Variants in CLTA observed in about 807,000 individuals in gnomAD.
The protein encoded by CLTA is clathrin light chain A.
A neutral mutation model predicts 26.9 loss-of-function variants in CLTA; 9 were observed. The observed-to-expected ratio is 0.33, with a 90% CI of 0.20 to 0.58. CLTA has a LOEUF of 0.58. CLTA is among the 20% of genes least tolerant of loss of function. The pLI is 0.85. For synonymous variants in CLTA, 120 were observed against 115.5 expected (o/e 1.04, Z -0.25); for missense variants, 278 against 294.2 (o/e 0.94, Z 0.40).
At chr9:36,197,691 C>T in intron 2 of CLTA, 103 bp downstream of exon 2, 1 of 810,166 alleles carries the variant, frequency 1.2e-6, no homozygotes. Context: ...CTTTGACTTT[C>T]CTGAATGTAT....
At chr9:36,208,814 C>A (rs1452405680) in intron 4 of CLTA, among the ~76,000 whole-genome samples, 1 of 152,168 alleles carries the variant, frequency 6.6e-6, no homozygotes, top group Non-Finnish European at 1.5e-5. Flanking sequence ...GCCAGGCTGC[C>A]TTGGTTGTGA....
At chr9:36,211,565 G>A (rs1226362467) in intron 4 of CLTA, 38 bp from the exon 5 acceptor site, 1 of 1,571,858 alleles carries the variant, frequency 6.4e-7, no homozygotes, top group Non-Finnish European at 8.7e-7. Flanking sequence ...CTCAAAGGGG[G>A]TTCTGCATAA....
rs779238323 is a variant in CLTA at position 36,204,178 on chromosome 9, AGGTCAGTCCGT to A, written c.485+3_485+13del. 9.9e-6 allele frequency: 16 copies of A among 1,613,108 alleles called. No homozygotes were observed. Among genetic ancestry groups the A allele is most frequent in the Non-Finnish European group, 1.4e-5 (16 of 1,179,522 alleles). On this transcript the variant is annotated splice_donor_variant and splice_donor_5th_base_variant and coding_sequence_variant and intron_variant, in exon 4 of 5. Coordinates refer to ENST00000345519, the MANE Select transcript of CLTA (RefSeq NM_001833.4). LOFTEE classifies it high-confidence loss of function. Reference sequence around the variant, plus strand: ...GCTACAGAAAACAAAAGCAAACAACAGGTCAGTCCGTGGTGGTTGTAGCACACTTTGTTTTC... The same window carrying A: ...GCTACAGAAAACAAAAGCAAACAACAGGTGGTTGTAGCACACTTTGTTTTC...
chr9:36,192,598 T>G (rs1463023118), intron 1 of CLTA, among the ~76,000 whole-genome samples: 1 of 152,184 alleles, frequency 6.6e-6, no homozygotes, highest in East Asian at 1.9e-4. Flanking sequence ...CTTAAGTGAT[T>G]AGGGGATATT....
At position 36,191,053 on chromosome 9, in the gene CLTA, C is replaced by A. The variant is rs1252447855; in HGVS notation, c.-4C>A. The A allele has an allele frequency of 6.5e-7, 1 of 1,539,316 alleles. No homozygotes were observed. Among genetic ancestry groups the A allele is most frequent in the Non-Finnish European group, 8.7e-7 (1 of 1,155,074 alleles). On this transcript the variant is annotated 5_prime_UTR_variant, in exon 1 of 5. Transcript: ENST00000345519. The stretch of plus-strand genomic sequence containing the variant: ...TTGGTGTCCGTGCCGTTCAGTTGCC[C>A]GCCATGGCTGAGCTGGATCCGTTCG...
chr9:36,197,661 C>T (rs1827133639), intron 2 of CLTA, 73 bp downstream of exon 2: 6 of 1,200,164 alleles, frequency 5.0e-6, no homozygotes, highest in East Asian at 2.5e-5. Flanking sequence ...AATTGACTGA[C>T]CTAGAAAGAA....
intron 4 of CLTA, chr9:36,209,249 G>A (rs1587249620): frequency 1.2e-6 from 2 of 1,613,640 alleles, no homozygotes; most frequent in African/African-American, 2.7e-5. Flanking sequence ...CCTGCCTTTT[G>A]GACCTCTTGC....
intron 4 of CLTA, among the ~76,000 whole-genome samples, chr9:36,205,680 G>GT (rs1390046649): frequency 2.7e-5 from 4 of 150,584 alleles, no homozygotes; most frequent in Non-Finnish European, 4.4e-5. Flanking sequence ...TTTCAAGGAA[G>GT]TTTTGCTGAA....
intron 3 of CLTA, among the ~76,000 whole-genome samples, chr9:36,203,267 A>G (rs140909797): frequency 4.6e-5 from 7 of 152,302 alleles, no homozygotes; most frequent in Middle Eastern, 3.4e-3. Flanking sequence ...CCTGCTAGGT[A>G]TGCATTTTCT....
intron 3 of CLTA, among the ~76,000 whole-genome samples, chr9:36,202,190 C>A (rs1314467431): frequency 6.6e-6 from 1 of 152,178 alleles, no homozygotes; most frequent in Admixed American, 6.5e-5. Context: ...TTCTGAACGA[C>A]AGATCACCTT....
At chr9:36,200,040 G>T (rs1461282194) in intron 3 of CLTA, among the ~76,000 whole-genome samples, 1 of 152,186 alleles carries the variant, frequency 6.6e-6, no homozygotes, top group East Asian at 1.9e-4. Flanking sequence ...TGGCCATCTA[G>T]CCACACAGCC....
chr9:36,201,918 C>A (rs1827437057), intron 3 of CLTA, among the ~76,000 whole-genome samples: 1 of 151,472 alleles, frequency 6.6e-6, no homozygotes, highest in Admixed American at 6.6e-5. Context: ...TCAAGACCAG[C>A]CTGGGCACCA....
rs1563902336 is a variant in CLTA, at chr9:36,190,954, T to C, written c.-103T>C. On this transcript the variant is annotated 5_prime_UTR_variant, in exon 1 of 5. Coordinates refer to ENST00000345519, the MANE Select transcript of CLTA (RefSeq NM_001833.4). ...CCCGTCTCCCTCCTGGCGCTTGTCCTCCTCTCCCAGTCGGCACCACAGCGG... is the reference window on the plus strand; with the variant it reads ...CCCGTCTCCCTCCTGGCGCTTGTCCCCCTCTCCCAGTCGGCACCACAGCGG... 2.1e-6 allele frequency: 3 copies of C among 1,437,664 alleles called. No individual in the cohort carries two copies. In the East Asian group the frequency reaches 7.9e-5, roughly 38 times the overall value. The allele number at this position is 1,437,664 out of a possible 1,614,324, so 89.1% of individuals were successfully genotyped here.
rs1377946688 is a variant in CLTA at position 36,208,036 on chromosome 9, AG to A, written c.486-3565del. Among the ~76,000 whole-genome samples, 3 of 152,258 alleles carry A rather than the reference AG, an allele frequency of 2.0e-5. No homozygotes were observed. In the East Asian group the frequency reaches 5.8e-4, roughly 29 times the overall value. On this transcript the variant is annotated intron_variant, in intron 4 of 4. Coordinates refer to ENST00000345519, the MANE Select transcript of CLTA (RefSeq NM_001833.4). ...TGTGTATAAAACAAAATGGGAAAGA[AG>A]GAAGGGCATGTGTGAGCTTAAAAAT...
At chr9:36,201,073 G>A (rs533774079) in intron 3 of CLTA, among the ~76,000 whole-genome samples, 15 of 152,198 alleles carry the variant, frequency 9.9e-5, no homozygotes, top group South Asian at 8.3e-4. Flanking sequence ...TTTGGTGTCT[G>A]GAAAGATTTA....
At chr9:36,196,121 A>G (rs1468236234) in intron 1 of CLTA, among the ~76,000 whole-genome samples, 3 of 151,864 alleles carry the variant, frequency 2.0e-5, no homozygotes, top group African/African-American at 7.3e-5. Context: ...TACTAAAACT[A>G]CAAAAAAAAT....
At chr9:36,194,438 T>C (rs1011341141) in intron 1 of CLTA, among the ~76,000 whole-genome samples, 2 of 152,236 alleles carry the variant, frequency 1.3e-5, no homozygotes, top group Non-Finnish European at 2.9e-5. Context: ...GGAAATCTCA[T>C]GCATGATAGT....
intron 2 of CLTA, 64 bp from the exon 3 acceptor site, chr9:36,198,915 G>T: frequency 9.2e-7 from 1 of 1,081,674 alleles, no homozygotes. Context: ...TTCTAACTCA[G>T]GTGAAGTGCA....
At chr9:36,198,639 C>T (rs752239893) in intron 2 of CLTA, among the ~76,000 whole-genome samples, 13 of 150,976 alleles carry the variant, frequency 8.6e-5, no homozygotes, top group Admixed American at 2.0e-4. Flanking sequence ...CAAGATTGCG[C>T]CACTGCACTC....
Sources: gnomAD v4.1 joint callset for allele counts (sites outside exome capture counted in the v4.1 genomes callset) on GRCh38, gnomAD v4.1.1 for gene constraint, MANE v1.5 for transcripts, NCBI Gene and HGNC (gene_info 2026-07-23, HGNC 2026-07-21) for gene names.